Variants in F11 observed in about 807,000 individuals in gnomAD.
F11 encodes the protein coagualtion factor XI.
Under a neutral mutation model 76.5 loss-of-function variants are expected in F11, and 78 were observed. That is an observed-to-expected ratio of 1.02 (90% CI 0.85 to 1.23). F11 has a LOEUF of 1.23. Among genes scored for constraint, F11 ranks in the 50% most tolerant of loss-of-function variants. The pLI, the probability that F11 is intolerant of heterozygous loss-of-function variation, is 0.00. For synonymous variants in F11, 278 were observed against 276.3 expected (o/e 1.01, Z -0.06); for missense variants, 742 against 771.4 (o/e 0.96, Z 0.45).
At position 186,285,773 on chromosome 4, in the gene F11, T is replaced by C; in HGVS notation, c.1440T>C (p.Asp480=). The change falls in exon 12 of 15, where the codon GAT becomes GAC. Residue 480 remains aspartate (D), a synonymous_variant. Coordinates refer to ENST00000403665, the MANE Select transcript of F11 (RefSeq NM_000128.4). ...ATAAAATGGCAGAAAGCGGGTATGA[T>C]ATTGCCTTGTTGAAACTGGAAACCA... ...DQYKMAESGY[D]IALLKLETTV... 1 of 1,614,154 alleles carries C rather than the reference T, an allele frequency of 6.2e-7. No homozygotes were observed. The highest frequency in any genetic ancestry group is 8.5e-7 in the Non-Finnish European group (1 of 1,180,014).
In F11 at chr4:186,288,826, CTCTT is replaced by C. The variant is rs1741401524; in HGVS notation, c.*214_*217del. The C allele has an allele frequency of 6.9e-6, 4 of 577,234 alleles. No individual in the cohort carries two copies. In the African/African-American group the frequency reaches 7.5e-5, roughly 11 times the overall value. The allele number at this position is 577,234 out of a possible 1,614,324, so 35.8% of individuals were successfully genotyped here. A position where few individuals can be genotyped will look rare whatever the true frequency, so the allele number is the denominator to read the frequency against. On this transcript the variant is annotated 3_prime_UTR_variant, in exon 15 of 15. Transcript: ENST00000403665. ...GTTGTAGTTTGTTTGAGCATTCAGT[CTCTT>C]TGTTTTTGATCACGCTTCTATGGAG...
chr4:186,267,450 T>G (rs1739590215), intron 2 of F11, among the ~76,000 whole-genome samples: 1 of 152,224 alleles, frequency 6.6e-6, no homozygotes, highest in South Asian at 2.1e-4. Context: ...TAAATGATAT[T>G]TAAAAGCAAT....
At chr4:186,283,777 G>A (rs1456522272) in intron 10 of F11, among the ~76,000 whole-genome samples, 1 of 152,198 alleles carries the variant, frequency 6.6e-6, no homozygotes, top group Non-Finnish European at 1.5e-5. Context: ...GACGCTGTTG[G>A]TCTGGAGACT....
chr4:186,281,868 G>C, intron 10 of F11: 5 of 1,209,912 alleles, frequency 4.1e-6, no homozygotes, highest in Non-Finnish European at 5.4e-6. Flanking sequence ...AACTTGTTTT[G>C]TAGAACATAA....
chr4:186,279,972 TTGATA>T (rs531180622), intron 7 of F11, 35 bp from the exon 8 acceptor site: 39 of 1,460,960 alleles, frequency 2.7e-5, no homozygotes, highest in Admixed American at 5.0e-5. Flanking sequence ...TTTTATGTGT[TTGATA>T]TGATATATTT....
intron 14 of F11, 41 bp downstream of exon 14, chr4:186,287,864 G>T (rs1057215372): frequency 1.9e-6 from 3 of 1,599,682 alleles, no homozygotes; most frequent in South Asian, 1.1e-5. Context: ...ATGCAAATTG[G>T]AATGCTTAAT....
chr4:186,279,866 C>T, intron 7 of F11, 146 bp from the exon 8 acceptor site: 1 of 704,426 alleles, frequency 1.4e-6, no homozygotes, highest in East Asian at 2.7e-5. Context: ...GGGTGTAACT[C>T]CGTGGTTTAT....
chr4:186,276,252 C>A lies in F11; in HGVS notation c.617C>A (p.Pro206His), dbSNP rs1740368473. ...GCAGCTTGTATTAGGGACATTTTCC[C>A]TAATACGGTGTTTGCAGACAGCAAC... ...SNLACIRDIF[P>H]NTVFADSNID... The change falls in exon 7 of 15, where the codon CCT (proline) becomes CAT (histidine). Residue 206 changes from proline to histidine, a missense_variant. By Grantham distance (77) the Pro-to-His change is moderately conservative. Transcript: ENST00000403665. 1 of 1,613,990 alleles carries A rather than the reference C, an allele frequency of 6.2e-7. No homozygotes were observed. Among genetic ancestry groups the A allele is most frequent in the Admixed American group, 1.7e-5 (1 of 59,984 alleles).
chr4:186,266,805 G>C (rs1354934501), intron 1 of F11, among the ~76,000 whole-genome samples: 2 of 152,116 alleles, frequency 1.3e-5, no homozygotes, highest in African/African-American at 4.8e-5. Flanking sequence ...ATGAAAAATT[G>C]GGGTGGGGAG....
intron 3 of F11, among the ~76,000 whole-genome samples, chr4:186,272,422 A>AGG (rs1740047880): frequency 6.6e-6 from 1 of 152,210 alleles, no homozygotes; most frequent in East Asian, 1.9e-4. Flanking sequence ...CCAGAATCTT[A>AGG]CCAAGAGTCA....
intron 2 of F11, among the ~76,000 whole-genome samples, chr4:186,270,256 G>T (rs902497788): frequency 1.3e-5 from 2 of 152,170 alleles, no homozygotes; most frequent in Admixed American, 1.3e-4. Flanking sequence ...AGATGAACTA[G>T]TTTTTACTGA....
At chr4:186,288,321 C>A in intron 14 of F11, 132 bp from the exon 15 acceptor site, 2 of 1,054,610 alleles carry the variant, frequency 1.9e-6, no homozygotes, top group South Asian at 1.3e-5. Flanking sequence ...TGAACGCAAG[C>A]ACCCAGGTTC....
intron 11 of F11, 62 bp downstream of exon 11, chr4:186,284,322 A>G (rs961570143): frequency 3.6e-6 from 5 of 1,372,320 alleles, no homozygotes; most frequent in Non-Finnish European, 5.1e-6. Flanking sequence ...AAATATTACT[A>G]GCATGTTAGG....
intron 10 of F11, chr4:186,281,981 T>C: frequency 7.9e-7 from 1 of 1,265,562 alleles, no homozygotes; most frequent in Non-Finnish European, 1.0e-6. Context: ...TCAAGACTTC[T>C]TAAAAAGCAA....
chr4:186,275,357 C>T (rs1362934591), intron 5 of F11, among the ~76,000 whole-genome samples: 3 of 151,970 alleles, frequency 2.0e-5, no homozygotes, highest in African/African-American at 4.8e-5. Context: ...TAGCCAGGCG[C>T]GGTGGTGGGC....
intron 10 of F11, chr4:186,282,222 G>T: frequency 1.0e-6 from 1 of 985,352 alleles, no homozygotes; most frequent in African/African-American, 1.7e-5. Flanking sequence ...CTTCATTATG[G>T]TTTTCTCTGT....
At position 186,285,645 on chromosome 4, in the gene F11, T is replaced by A; in HGVS notation, c.1312T>A (p.Ser438Thr). The change falls in exon 12 of 15, where the codon TCA (serine) becomes ACA (threonine). Residue 438 changes from serine (S) to threonine (T), a missense_variant. By Grantham distance (58) the Ser-to-Thr change is moderately conservative. Coordinates refer to ENST00000403665, the MANE Select transcript of F11 (RefSeq NM_000128.4). ...CTGTTGTTTGCTCCTTAGGGTAGAG[T>A]CACCTAAGATTTTGCGTGTCTACAG... The part of the protein sequence containing the change: ...TAAHCFYGVE[S>T]PKILRVYSGI... The A allele has an allele frequency of 6.2e-7, 1 of 1,614,016 alleles. No homozygotes were observed. The highest frequency in any genetic ancestry group is 2.2e-5 in the East Asian group (1 of 44,870).
In F11 at chr4:186,288,479, C is replaced by A. The variant is rs147572164; in HGVS notation, c.1743C>A (p.Cys581Ter). 1 of 1,614,150 alleles carries A rather than the reference C, an allele frequency of 6.2e-7. No homozygotes were observed. Among genetic ancestry groups the A allele is most frequent in the Non-Finnish European group, 8.5e-7 (1 of 1,180,006 alleles). Residue 581 changes from cysteine (C) to a stop codon, truncating the protein, a stop_gained, in exon 15 of 15, where the codon TGC becomes TGA. Coordinates refer to ENST00000403665, the MANE Select transcript of F11 (RefSeq NM_000128.4). LOFTEE classifies it high-confidence loss of function. ...CKGDSGGPLS[C>*]KHNEVWHLVG... ...GAGATTCGGGAGGCCCTCTGTCCTG[C>A]AAACACAATGAGGTCTGGCATCTGG...
intron 12 of F11, chr4:186,286,183 G>A: frequency 1.9e-6 from 1 of 538,116 alleles, no homozygotes; most frequent in Non-Finnish European, 3.3e-6. Context: ...ATCAAAGTGA[G>A]TTGGATGAGG....
Sources: gnomAD v4.1 joint callset for allele counts (sites outside exome capture counted in the v4.1 genomes callset) on GRCh38, gnomAD v4.1.1 for gene constraint, MANE v1.5 for transcripts, NCBI Gene and HGNC (gene_info 2026-07-23, HGNC 2026-07-21) for gene names.